CNTNAP2: variants seen among roughly 807,000 people sequenced by gnomAD.
CNTNAP2 encodes contactin-associated protein-like 2.
In CNTNAP2, 98 loss-of-function variants were observed where a neutral mutation model predicts 155.2. The ratio of observed to expected loss-of-function variants is 0.63; its 90% CI spans 0.54 to 0.75. The LOEUF is 0.75. CNTNAP2 is among the 30% of genes least tolerant of loss of function. CNTNAP2 has a pLI of 0.00. For missense variants in CNTNAP2, 1,727 were observed against 1,688.1 expected (o/e 1.02, Z -0.40); for synonymous variants, 651 against 631.2 (o/e 1.03, Z -0.47).
intron 16 of CNTNAP2, among the ~76,000 whole-genome samples, chr7:148,141,246 G>C (rs1315636721): frequency 6.6e-6 from 1 of 152,232 alleles, no homozygotes; most frequent in African/African-American, 2.4e-5. Flanking sequence ...TAAAGCAAAG[G>C]GAGAAAATTC....
chr7:148,258,848 T>TA (rs1315981932), intron 20 of CNTNAP2, among the ~76,000 whole-genome samples: 3 of 151,684 alleles, frequency 2.0e-5, no homozygotes, highest in Non-Finnish European at 4.4e-5. Context: ...CTGGACAACA[T>TA]AGTGAGACCC....
At chr7:147,981,690 A>G (rs1320161343) in intron 15 of CNTNAP2, among the ~76,000 whole-genome samples, 1 of 152,198 alleles carries the variant, frequency 6.6e-6, no homozygotes, top group African/African-American at 2.4e-5. Flanking sequence ...GTCTGAACTC[A>G]GACCCATATA....
intron 13 of CNTNAP2, among the ~76,000 whole-genome samples, chr7:147,641,343 G>C (rs1795275381): frequency 6.6e-6 from 1 of 152,220 alleles, no homozygotes; most frequent in Non-Finnish European, 1.5e-5. Context: ...GGTTGGAAAG[G>C]AGGGTGGGAG....
chr7:146,447,881 G>T (rs182298291), intron 1 of CNTNAP2, among the ~76,000 whole-genome samples: 22 of 152,042 alleles, frequency 1.4e-4, no homozygotes, highest in Middle Eastern at 6.8e-3. Context: ...ATATGCATTT[G>T]TTCCTTAATT....
chr7:146,218,544 A>AG (rs1471777550), intron 1 of CNTNAP2, among the ~76,000 whole-genome samples: 1 of 149,592 alleles, frequency 6.7e-6, no homozygotes, highest in Non-Finnish European at 1.5e-5. Context: ...AACAAACAAA[A>AG]AAAATTGCCA....
At chr7:146,751,091 G>A (rs375320272) in intron 1 of CNTNAP2, among the ~76,000 whole-genome samples, 2 of 152,016 alleles carry the variant, frequency 1.3e-5, no homozygotes, top group Non-Finnish European at 2.9e-5. Context: ...TATACATGTG[G>A]CACTGTCTCA....
chr7:146,830,565 T>C (rs1013749176), intron 2 of CNTNAP2, among the ~76,000 whole-genome samples: 1 of 152,164 alleles, frequency 6.6e-6, no homozygotes, highest in Non-Finnish European at 1.5e-5. Context: ...ATTTTAACCC[T>C]GTATATTATT....
chr7:147,350,741 C>T (rs1024855202), intron 9 of CNTNAP2, among the ~76,000 whole-genome samples: 6 of 151,832 alleles, frequency 4.0e-5, no homozygotes, highest in Non-Finnish European at 7.4e-5. Context: ...TTAAACAAAA[C>T]ACTTTTTATT....
At chr7:146,541,147 G>T (rs779193738) in intron 1 of CNTNAP2, among the ~76,000 whole-genome samples, 4 of 151,886 alleles carry the variant, frequency 2.6e-5, no homozygotes, top group Non-Finnish European at 5.9e-5. Flanking sequence ...TTGTACTTCA[G>T]AGCTAAGGAA....
chr7:146,413,639 T>C (rs1035596120), intron 1 of CNTNAP2, among the ~76,000 whole-genome samples: 3 of 152,158 alleles, frequency 2.0e-5, no homozygotes, highest in African/African-American at 7.2e-5. Context: ...CTTGTTCTTC[T>C]TCTTCCTTAT....
intron 13 of CNTNAP2, among the ~76,000 whole-genome samples, chr7:147,779,700 T>C (rs1332571037): frequency 1.3e-5 from 2 of 152,176 alleles, no homozygotes; most frequent in Admixed American, 6.6e-5. Flanking sequence ...TGGAAAATAC[T>C]AGACTCAGGG....
At position 146,343,595 on chromosome 7, in the gene CNTNAP2, A is replaced by G. The variant is rs374774225; in HGVS notation, c.97+226622A>G. Among the ~76,000 whole-genome samples, 24 of 152,292 alleles carry G rather than the reference A, an allele frequency of 1.6e-4. No individual in the cohort carries two copies. The East Asian group carries it at 1.7e-3, about 11-fold the overall frequency. The stretch of plus-strand genomic sequence containing the variant: ...GAAAAGGAATTTGCAGTAATACTTG[A>G]AACATTTAAAATGAGGATTTTTTAA... On this transcript the variant is annotated intron_variant, in intron 1 of 23. Coordinates refer to ENST00000361727, the MANE Select transcript of CNTNAP2 (RefSeq NM_014141.6).
chr7:147,025,498 GAGGGGGACGGGGAGAAGAAAGTGGGGA>G (rs1798900977), intron 3 of CNTNAP2, among the ~76,000 whole-genome samples: 2 of 71,732 alleles, frequency 2.8e-5, no homozygotes, highest in South Asian at 8.8e-4. Context: ...GAGGGGAGGG[GAGGGGGACGGGGAGAAGAAAGTGGGGA>G]GGGGAGGGCA....
intron 15 of CNTNAP2, among the ~76,000 whole-genome samples, chr7:148,036,645 G>A (rs572408185): frequency 1.4e-3 from 210 of 152,088 alleles, no homozygotes; most frequent in African/African-American, 4.9e-3. Flanking sequence ...TTCTTTATAC[G>A]TTACTGAGTC....
At chr7:147,905,769 A>G (rs1799946655) in intron 14 of CNTNAP2, among the ~76,000 whole-genome samples, 1 of 152,164 alleles carries the variant, frequency 6.6e-6, no homozygotes, top group South Asian at 2.1e-4. Flanking sequence ...CTGTAATTGC[A>G]GATACTCGGG....
intron 1 of CNTNAP2, among the ~76,000 whole-genome samples, chr7:146,446,233 A>G (rs1365966539): frequency 6.6e-6 from 1 of 152,182 alleles, no homozygotes; most frequent in Non-Finnish European, 1.5e-5. Flanking sequence ...ATGACACAGT[A>G]TGAAGCAAAT....
At chr7:147,001,427 G>T (rs1165236881) in intron 3 of CNTNAP2, among the ~76,000 whole-genome samples, 1 of 151,854 alleles carries the variant, frequency 6.6e-6, no homozygotes, top group Non-Finnish European at 1.5e-5. Flanking sequence ...ATGAGTAAAA[G>T]AATCAAATGT....
At chr7:147,901,639 A>T (rs1799869886) in intron 13 of CNTNAP2, among the ~76,000 whole-genome samples, 1 of 152,110 alleles carries the variant, frequency 6.6e-6, no homozygotes, top group Non-Finnish European at 1.5e-5. Context: ...TTATGTCCTT[A>T]TTGATCTGTG....
At chr7:148,392,836 T>C (rs1234446200) in intron 22 of CNTNAP2, among the ~76,000 whole-genome samples, 1 of 152,162 alleles carries the variant, frequency 6.6e-6, no homozygotes, top group Non-Finnish European at 1.5e-5. Context: ...AGGAACTAGA[T>C]GGAACTTGGC....
Sources: allele counts gnomAD v4.1 joint callset (sites outside exome capture counted in the v4.1 genomes callset), GRCh38; gene constraint gnomAD v4.1.1; transcripts MANE v1.5; gene names NCBI Gene and HGNC (gene_info 2026-07-23, HGNC 2026-07-21).